RAD54B: variants seen among roughly 807,000 people sequenced by gnomAD.
RAD54B encodes RAD54 homolog B.
Under a neutral mutation model 95.8 loss-of-function variants are expected in RAD54B, and 78 were observed. That is an observed-to-expected ratio of 0.81 (90% CI 0.68 to 0.98). RAD54B has a LOEUF of 0.98. Among genes scored for constraint, RAD54B ranks in the 50% least tolerant of loss-of-function variants. The pLI, the probability that RAD54B is intolerant of heterozygous loss-of-function variation, is 0.00. For missense variants in RAD54B, 957 were observed against 1,056.6 expected, an observed-to-expected ratio of 0.91 and a Z score of 1.31; for synonymous variants, 328 against 354.9, an observed-to-expected ratio of 0.92 and a Z score of 0.85.
intron 3 of RAD54B, among the ~76,000 whole-genome samples, chr8:94,420,173 T>C (rs529618140): frequency 6.6e-6 from 1 of 152,164 alleles, no homozygotes; most frequent in Non-Finnish European, 1.5e-5. Flanking sequence ...TCAGAACATA[T>C]TCCTGTCATT....
intron 6 of RAD54B, among the ~76,000 whole-genome samples, chr8:94,402,749 C>T (rs1035517313): frequency 6.6e-6 from 1 of 152,058 alleles, no homozygotes; most frequent in African/African-American, 2.4e-5. Context: ...TTTCAGAAAA[C>T]TCAAGATGGT....
chr8:94,463,505 G>T (rs879383624), intron 2 of RAD54B, among the ~76,000 whole-genome samples: 4 of 152,076 alleles, frequency 2.6e-5, no homozygotes, highest in Admixed American at 2.0e-4. Flanking sequence ...GCTTGGAAAA[G>T]AGTCTGTCAG....
At chr8:94,443,707 C>T (rs1464995767) in intron 3 of RAD54B, among the ~76,000 whole-genome samples, 1 of 151,812 alleles carries the variant, frequency 6.6e-6, no homozygotes, top group Admixed American at 6.6e-5. Context: ...TCCTTTGTCC[C>T]TTCTGCTTGC....
intron 1 of RAD54B, 78 bp from the exon 2 acceptor site, chr8:94,467,633 A>C (rs1322236328): frequency 7.1e-7 from 1 of 1,418,224 alleles, no homozygotes; most frequent in Non-Finnish European, 9.5e-7. Flanking sequence ...GCTCAAAACT[A>C]CAACTAAGAT....
intron 3 of RAD54B, among the ~76,000 whole-genome samples, chr8:94,412,133 T>C (rs1481431260): frequency 6.6e-6 from 1 of 152,198 alleles, no homozygotes; most frequent in Non-Finnish European, 1.5e-5. Flanking sequence ...TAATTGTCTT[T>C]CTGTGTCCAG....
intron 3 of RAD54B, chr8:94,431,237 G>A (rs1187822008): frequency 2.1e-6 from 2 of 960,148 alleles, no homozygotes; most frequent in Non-Finnish European, 2.5e-6. Flanking sequence ...GATTTTTACT[G>A]TGAAAGAAAT....
intron 3 of RAD54B, among the ~76,000 whole-genome samples, chr8:94,435,567 G>T (rs1812232564): frequency 6.6e-6 from 1 of 152,002 alleles, no homozygotes; most frequent in South Asian, 2.1e-4. Context: ...TACCCTAAAT[G>T]GTTCAGAATA....
At chr8:94,459,559 A>G (rs1206787006) in intron 2 of RAD54B, among the ~76,000 whole-genome samples, 1 of 152,124 alleles carries the variant, frequency 6.6e-6, no homozygotes, top group Non-Finnish European at 1.5e-5. Flanking sequence ...TGGAGTGGAA[A>G]ACTAAAGATG....
At chr8:94,409,640 A>T (rs1246069748) in intron 4 of RAD54B, among the ~76,000 whole-genome samples, 1 of 152,160 alleles carries the variant, frequency 6.6e-6, no homozygotes, top group Non-Finnish European at 1.5e-5. Context: ...TGCTGAGATT[A>T]CAGGCGTGAG....
intron 3 of RAD54B, among the ~76,000 whole-genome samples, chr8:94,420,217 G>A (rs1032421216): frequency 4.0e-5 from 6 of 150,042 alleles, no homozygotes; most frequent in African/African-American, 9.8e-5. Flanking sequence ...TCAATATATC[G>A]ACATGCTGTA....
rs1169590743 is a variant in RAD54B at position 94,415,935 on chromosome 8, A to C, written c.305-4620T>G. On this transcript the variant is annotated intron_variant, in intron 3 of 14. Coordinates refer to ENST00000336148, the MANE Select transcript of RAD54B (RefSeq NM_012415.3). The stretch of plus-strand genomic sequence containing the variant: ...TGTTAGTGGGACTGTAAACTAGTTC[A>C]ACCATTGTGGAAGTCAGTGTGGCGA... 9.9e-5 allele frequency among the ~76,000 whole-genome samples: 15 copies of C among 152,032 alleles called. 1 individual carries two copies. Among genetic ancestry groups the C allele is most frequent in the Admixed American group, 7.9e-4 (12 of 15,258 alleles).
chr8:94,444,024 G>T (rs1812462253), intron 3 of RAD54B, among the ~76,000 whole-genome samples: 1 of 151,902 alleles, frequency 6.6e-6, no homozygotes, highest in African/African-American at 2.4e-5. Context: ...GAAGGCTCCT[G>T]TATCATATAA....
At chr8:94,466,161 TTA>T (rs1487686424) in intron 2 of RAD54B, among the ~76,000 whole-genome samples, 2 of 152,164 alleles carry the variant, frequency 1.3e-5, no homozygotes, top group Non-Finnish European at 2.9e-5. Flanking sequence ...GTGGCAAATT[TTA>T]TGTTACATAC....
At chr8:94,419,714 C>A in intron 3 of RAD54B, among the ~76,000 whole-genome samples, 1 of 137,338 alleles carries the variant, frequency 7.3e-6, no homozygotes, top group Admixed American at 7.4e-5. Context: ...CATTTAAAAA[C>A]TCCTCCCTCT....
intron 3 of RAD54B, among the ~76,000 whole-genome samples, chr8:94,453,407 G>A (rs113419949): frequency 0.011 from 1,740 of 152,064 alleles, 25 homozygotes; most frequent in African/African-American, 0.04. Context: ...GGCAGGTGCC[G>A]TAATCCCAGC....
intron 3 of RAD54B, chr8:94,429,253 A>G: frequency 1.9e-6 from 1 of 526,824 alleles, no homozygotes; most frequent in Non-Finnish European, 2.4e-6. Context: ...GCAGAAAAAT[A>G]TGATTGTAGC....
intron 3 of RAD54B, among the ~76,000 whole-genome samples, chr8:94,444,776 C>CACTA (rs34054743): frequency 0.41 from 62,791 of 151,662 alleles, 13,170 homozygotes; most frequent in Admixed American, 0.51. Context: ...TTTCTTAGAG[C>CACTA]ACTAAGAAGA....
chr8:94,473,590 G>C (rs1041560930), intron 1 of RAD54B, among the ~76,000 whole-genome samples: 1 of 152,208 alleles, frequency 6.6e-6, no homozygotes, highest in African/African-American at 2.4e-5. Context: ...TATTATCGGA[G>C]AGTAGAAATG....
intron 3 of RAD54B, chr8:94,431,611 A>C: frequency 3.2e-6 from 3 of 925,770 alleles, no homozygotes; most frequent in Non-Finnish European, 3.9e-6. Context: ...CATTACCCCT[A>C]AACTGCAGAG....
Sources: gnomAD v4.1 joint callset for allele counts (sites outside exome capture counted in the v4.1 genomes callset) on GRCh38, gnomAD v4.1.1 for gene constraint, MANE v1.5 for transcripts, NCBI Gene and HGNC (gene_info 2026-07-23, HGNC 2026-07-21) for gene names.